Variants in DIS3L2 observed in about 807,000 individuals in gnomAD.
DIS3L2 encodes the protein DIS3 like 3'-5' exoribonuclease 2.
In DIS3L2, 34 loss-of-function variants were observed where a neutral mutation model predicts 97.5. That is an observed-to-expected ratio of 0.35 (90% CI 0.27 to 0.46). The LOEUF (loss-of-function observed/expected upper bound fraction) is 0.46. Ranked by LOEUF, DIS3L2 falls within the 20% of genes least tolerant of loss-of-function variation. The pLI is 1.00. For missense variants in DIS3L2, 1,038 were observed against 1,146.0 expected (o/e 0.91, Z 1.36); for synonymous variants, 435 against 445.2 (o/e 0.98, Z 0.29).
At chr2:232,155,918 A>T (rs1228169144) in intron 8 of DIS3L2, among the ~76,000 whole-genome samples, 1 of 151,136 alleles carries the variant, frequency 6.6e-6, no homozygotes, top group African/African-American at 2.4e-5. Flanking sequence ...TGAACCCGGG[A>T]GGCGGAGCTT....
chr2:232,336,408 G>C (rs766147567), intron 20 of DIS3L2, 61 bp from the exon 21 acceptor site: 10 of 1,562,342 alleles, frequency 6.4e-6, no homozygotes, highest in Middle Eastern at 1.7e-4. Flanking sequence ...GATGGAGGCA[G>C]AGCTGCGCCT....
intron 13 of DIS3L2, among the ~76,000 whole-genome samples, chr2:232,287,483 C>G (rs531526158): frequency 1.4e-5 from 2 of 143,992 alleles, no homozygotes; most frequent in Admixed American, 7.3e-5. Flanking sequence ...AGTGCCGCCT[C>G]AAATTTCTGG....
chr2:232,027,516 A>G (rs1179468965), intron 4 of DIS3L2, among the ~76,000 whole-genome samples: 3 of 152,176 alleles, frequency 2.0e-5, no homozygotes, highest in Non-Finnish European at 4.4e-5. Context: ...CACATTCTAA[A>G]GTTTTTAGAG....
chr2:232,167,030 T>G (rs1488094283), intron 9 of DIS3L2, among the ~76,000 whole-genome samples: 1 of 152,212 alleles, frequency 6.6e-6, no homozygotes, highest in East Asian at 1.9e-4. Context: ...AAAAAATTAC[T>G]TTAACCTTAA....
At chr2:232,165,137 A>G (rs985627864) in intron 9 of DIS3L2, among the ~76,000 whole-genome samples, 1 of 152,258 alleles carries the variant, frequency 6.6e-6, no homozygotes, top group African/African-American at 2.4e-5. Context: ...AACATTAAAG[A>G]CACTGCTAAT....
intron 8 of DIS3L2, among the ~76,000 whole-genome samples, chr2:232,153,868 A>T (rs1182883876): frequency 1.3e-5 from 2 of 152,098 alleles, no homozygotes; most frequent in African/African-American, 2.4e-5. Context: ...GTCTTTTCAC[A>T]TAGTCCCATA....
chr2:231,990,258 C>T (rs1391027068), intron 1 of DIS3L2, among the ~76,000 whole-genome samples: 1 of 151,706 alleles, frequency 6.6e-6, no homozygotes, highest in Non-Finnish European at 1.5e-5. Flanking sequence ...TCTCTCTGTT[C>T]CTTCCTTCAC....
chr2:231,984,597 G>T (rs1693359189), intron 1 of DIS3L2, among the ~76,000 whole-genome samples: 1 of 151,352 alleles, frequency 6.6e-6, no homozygotes, highest in Non-Finnish European at 1.5e-5. Context: ...GTTTCACCGT[G>T]TTAGCCAGGA....
intron 14 of DIS3L2, among the ~76,000 whole-genome samples, chr2:232,307,251 G>A (rs987755868): frequency 6.6e-6 from 1 of 152,212 alleles, no homozygotes; most frequent in Non-Finnish European, 1.5e-5. Flanking sequence ...GGCAAATAAT[G>A]CTTGATGAAG....
chr2:232,161,592 A>T (rs1690653130), intron 8 of DIS3L2, among the ~76,000 whole-genome samples: 1 of 151,942 alleles, frequency 6.6e-6, no homozygotes, highest in Non-Finnish European at 1.5e-5. Flanking sequence ...TGCCTCAGCC[A>T]CCCGAATAGC....
intron 6 of DIS3L2, among the ~76,000 whole-genome samples, chr2:232,111,030 A>G (rs985975166): frequency 3.9e-5 from 6 of 152,230 alleles, no homozygotes; most frequent in Non-Finnish European, 7.3e-5. Context: ...TAACAGTTAT[A>G]TGTTTTTGAT....
At chr2:232,133,862 C>CCAG (rs1698283242) in intron 7 of DIS3L2, among the ~76,000 whole-genome samples, 2 of 151,610 alleles carry the variant, frequency 1.3e-5, no homozygotes, top group Non-Finnish European at 2.9e-5. Flanking sequence ...GTGGCACATA[C>CCAG]CTGTAATCCC....
intron 13 of DIS3L2, among the ~76,000 whole-genome samples, chr2:232,279,556 T>C (rs908584741): frequency 6.6e-6 from 1 of 152,024 alleles, no homozygotes; most frequent in Non-Finnish European, 1.5e-5. Flanking sequence ...TTTGAGATAG[T>C]CTTGCACTAT....
chr2:232,024,054 C>T (rs1049830335), intron 3 of DIS3L2, among the ~76,000 whole-genome samples: 6 of 152,142 alleles, frequency 3.9e-5, no homozygotes, highest in African/African-American at 1.4e-4. Flanking sequence ...TTTGCTTGTT[C>T]ACACCAAGGT....
intron 8 of DIS3L2, among the ~76,000 whole-genome samples, chr2:232,139,576 A>G (rs1304305742): frequency 6.6e-6 from 1 of 152,148 alleles, no homozygotes; most frequent in Non-Finnish European, 1.5e-5. Context: ...GATAAAACAG[A>G]TGGCTTGAAT....
chr2:232,133,589 C>G (rs1390354327), intron 7 of DIS3L2, among the ~76,000 whole-genome samples: 1 of 152,056 alleles, frequency 6.6e-6, no homozygotes, highest in Non-Finnish European at 1.5e-5. Context: ...TTGCAGTTAC[C>G]CAACAATGAT....
intron 1 of DIS3L2, among the ~76,000 whole-genome samples, chr2:231,996,788 A>C (rs1252394098): frequency 6.6e-6 from 1 of 152,210 alleles, no homozygotes; most frequent in Non-Finnish European, 1.5e-5. Context: ...AAGACTGTGG[A>C]GGCTTTCTAT....
chr2:232,329,785 T>TACCCGGGGGG, intron 14 of DIS3L2, 28 bp from the exon 15 acceptor site: 3 of 967,122 alleles, frequency 3.1e-6, no homozygotes, highest in Non-Finnish European at 4.4e-6. Flanking sequence ...ACCCCAGCGG[T>TACCCGGGGGG]CCCTCCCATC....
At chr2:231,974,658 T>G (rs1159359735) in intron 1 of DIS3L2, among the ~76,000 whole-genome samples, 1 of 151,998 alleles carries the variant, frequency 6.6e-6, no homozygotes, top group Non-Finnish European at 1.5e-5. Context: ...TCCTCAAACA[T>G]GTAAGGTATA....
Sources: gnomAD v4.1 joint callset for allele counts (sites outside exome capture counted in the v4.1 genomes callset) on GRCh38, gnomAD v4.1.1 for gene constraint, MANE v1.5 for transcripts, NCBI Gene and HGNC (gene_info 2026-07-23, HGNC 2026-07-21) for gene names.